Variants in COL5A2 observed in about 807,000 individuals in gnomAD.
COL5A2 encodes the protein collagen alpha-2(V) chain.
COL5A2 carries 23 observed loss-of-function variants against 208.2 expected under a neutral mutation model. The observed-to-expected ratio is 0.11, with a 90% CI of 0.08 to 0.16. COL5A2 has a LOEUF of 0.16. Ranked by LOEUF, COL5A2 falls within the 10% of genes least tolerant of loss-of-function variation. The pLI is 1.00. For synonymous variants in COL5A2, 625 were observed against 628.5 expected, an observed-to-expected ratio of 0.99 and a Z score of 0.08; for missense variants, 1,590 against 1,956.4, an observed-to-expected ratio of 0.81 and a Z score of 3.53.
chr2:189,147,823 C>T (rs1387607538), intron 1 of COL5A2, among the ~76,000 whole-genome samples: 1 of 151,992 alleles, frequency 6.6e-6, no homozygotes, highest in Non-Finnish European at 1.5e-5. Context: ...CCCCAGGGCC[C>T]CAGCAAAGTC....
At chr2:189,354,299 T>C in the COL5A2 span, among the ~76,000 whole-genome samples, 31 of 152,220 alleles carry the variant, frequency 2.0e-4, 1 homozygote, top group Non-Finnish European at 7.3e-5. Flanking sequence ...CCTCATAAAA[T>C]CAGTCAGGGT....
rs1221181455 is a variant in COL5A2 at position 189,179,621 on chromosome 2, T to G, written c.-17A>C. 6.3e-7 allele frequency: 1 copy of G among 1,593,550 alleles called. No homozygotes were observed. The highest frequency in any genetic ancestry group is 8.6e-7 in the Non-Finnish European group (1 of 1,167,158). On this transcript the variant is annotated 5_prime_UTR_variant, in exon 1 of 54. An upstream start codon of the reference 5' UTR is lost. Coordinates refer to ENST00000374866, the MANE Select transcript of COL5A2 (RefSeq NM_000393.5). ...TGCCATCATGTCTAAATATTAGACA[T>G]GTGGGTTCTCCTGAGAGTGAAAAGT...
the COL5A2 span, among the ~76,000 whole-genome samples, chr2:189,369,066 T>G: frequency 6.6e-6 from 1 of 152,200 alleles, no homozygotes; most frequent in East Asian, 1.9e-4. Context: ...ATGTTTGTTT[T>G]GTCTAGACAA....
chr2:189,123,368 TTCCTAATCC>T (rs1304508789), intron 1 of COL5A2, among the ~76,000 whole-genome samples: 9 of 152,222 alleles, frequency 5.9e-5, no homozygotes, highest in Non-Finnish European at 1.0e-4. Flanking sequence ...ATATACTGAA[TTCCTAATCC>T]TCTGTACTTC....
At chr2:189,106,220 G>A (rs995316843) in intron 2 of COL5A2, among the ~76,000 whole-genome samples, 2 of 151,496 alleles carry the variant, frequency 1.3e-5, no homozygotes, top group Non-Finnish European at 3.0e-5. Context: ...ATTTATGTGA[G>A]TGTAATGTTT....
the COL5A2 span, among the ~76,000 whole-genome samples, chr2:189,257,961 A>C: frequency 1.3e-5 from 2 of 151,976 alleles, no homozygotes; most frequent in Non-Finnish European, 2.9e-5. Context: ...AAAAATACAA[A>C]AAATTAGCCA....
intron 1 of COL5A2, among the ~76,000 whole-genome samples, chr2:189,194,774 C>A (rs1688976491): frequency 6.6e-6 from 1 of 152,158 alleles, no homozygotes; most frequent in African/African-American, 2.4e-5. Context: ...TAAGTTCCAT[C>A]AATACCTACT....
At chr2:189,305,814 TAA>T in the COL5A2 span, among the ~76,000 whole-genome samples, 4,158 of 139,520 alleles carry the variant, frequency 0.03, 64 homozygotes, top group Admixed American at 0.044. Context: ...ATATTCAATC[TAA>T]AAAAAAAAAA....
At chr2:189,271,265 A>G in the COL5A2 span, among the ~76,000 whole-genome samples, 1 of 152,208 alleles carries the variant, frequency 6.6e-6, no homozygotes, top group African/African-American at 2.4e-5. Context: ...CTGTACTACA[A>G]GATTACAGTA....
intron 1 of COL5A2, among the ~76,000 whole-genome samples, chr2:189,113,294 T>G (rs1458592782): frequency 6.6e-6 from 1 of 152,070 alleles, no homozygotes; most frequent in Non-Finnish European, 1.5e-5. Context: ...CCAGGCACAG[T>G]GGCTTGTGCC....
the COL5A2 span, among the ~76,000 whole-genome samples, chr2:189,335,254 A>G: frequency 2.0e-5 from 3 of 152,142 alleles, no homozygotes; most frequent in Non-Finnish European, 4.4e-5. Flanking sequence ...ATCATTTGTC[A>G]TCAGGGAAAT....
the COL5A2 span, among the ~76,000 whole-genome samples, chr2:189,375,805 T>C: frequency 2.0e-5 from 3 of 152,200 alleles, no homozygotes; most frequent in Non-Finnish European, 4.4e-5. Context: ...AAAAAATTAG[T>C]TTTATTATGT....
chr2:189,111,524 T>C (rs1255423458), intron 1 of COL5A2, among the ~76,000 whole-genome samples: 1 of 152,142 alleles, frequency 6.6e-6, no homozygotes, highest in African/African-American at 2.4e-5. Flanking sequence ...CACATGGCTA[T>C]CTATCATTAC....
At position 189,045,872 on chromosome 2, in the gene COL5A2, T is replaced by G; in HGVS notation, c.3237A>C (p.Pro1079=). 1 of 1,614,174 alleles carries G rather than the reference T, an allele frequency of 6.2e-7. No homozygotes were observed. The highest frequency in any genetic ancestry group is 8.5e-7 in the Non-Finnish European group (1 of 1,180,014). Residue 1079 remains proline (P), a synonymous_variant, in exon 46 of 54, where the codon CCA becomes CCC. Coordinates refer to ENST00000374866, the MANE Select transcript of COL5A2 (RefSeq NM_000393.5). ...DRGDPGPAGL[P]GSQGAPGTPG... is the part of the protein sequence containing the mutation. The stretch of plus-strand genomic sequence containing the variant: ...GAGTTCCAGGGGCACCCTGAGAGCC[T>G]GGCAGACCTGCAGGCCCAGGGTCTC...
chr2:189,432,606 G>C, the COL5A2 span, among the ~76,000 whole-genome samples: 1 of 152,078 alleles, frequency 6.6e-6, no homozygotes, highest in Non-Finnish European at 1.5e-5. Context: ...AAAGGTAAAG[G>C]GATCAAATCA....
chr2:189,216,980 A>G (rs1206370227), intron 1 of COL5A2, among the ~76,000 whole-genome samples: 1 of 152,160 alleles, frequency 6.6e-6, no homozygotes, highest in African/African-American at 2.4e-5. Flanking sequence ...CTCTCAAAAG[A>G]GGATAAAAAA....
At chr2:189,269,430 G>C in the COL5A2 span, among the ~76,000 whole-genome samples, 2 of 152,086 alleles carry the variant, frequency 1.3e-5, no homozygotes, top group Non-Finnish European at 2.9e-5. Context: ...CTAGTTTATT[G>C]AGAGTTTTTA....
In COL5A2 at chr2:189,100,090, A is replaced by G. The variant is rs1453316391; in HGVS notation, c.369+17T>C. On this transcript the variant is annotated intron_variant, in intron 4 of 53. Transcript: ENST00000374866. ...TTATTTAAGGTACAAGGAAACAATG[A>G]TTATACATATACTTACAACAGGCAC... 1 of 1,593,522 alleles carries G rather than the reference A, an allele frequency of 6.3e-7. No homozygotes were observed.
chr2:189,404,992 T>C, the COL5A2 span, among the ~76,000 whole-genome samples: 1 of 152,206 alleles, frequency 6.6e-6, no homozygotes, highest in African/African-American at 2.4e-5. Flanking sequence ...TTGATATCCA[T>C]ATGCCTCAAT....
Sources: gnomAD v4.1 joint callset for allele counts (sites outside exome capture counted in the v4.1 genomes callset) on GRCh38, gnomAD v4.1.1 for gene constraint, MANE v1.5 for transcripts, NCBI Gene and HGNC (gene_info 2026-07-23, HGNC 2026-07-21) for gene names.